Variants in DHX34 observed in about 807,000 individuals in gnomAD.
DHX34 encodes probable ATP-dependent RNA helicase DHX34.
A neutral mutation model predicts 111.1 loss-of-function variants in DHX34; 96 were observed. The observed-to-expected ratio is 0.86, with a 90% confidence interval of 0.73 to 1.02. The LOEUF (loss-of-function observed/expected upper bound fraction) is 1.02, where lower values mean the gene tolerates loss of function less well. DHX34 is among the 50% of genes least tolerant of loss of function. The pLI is 0.00. For missense variants in DHX34, 1,560 were observed against 1,579.9 expected (o/e 0.99, Z 0.21); for synonymous variants, 688 against 670.4 (o/e 1.03, Z -0.41).
intron 6 of DHX34, among the ~76,000 whole-genome samples, chr19:47,363,445 T>C (rs1969696106): frequency 6.6e-6 from 1 of 152,008 alleles, no homozygotes; most frequent in African/African-American, 2.4e-5. Flanking sequence ...TCAGGAAGGA[T>C]AGGGCTAGCC....
At chr19:47,360,752 A>G (rs1599758724) in intron 5 of DHX34, among the ~76,000 whole-genome samples, 1 of 151,888 alleles carries the variant, frequency 6.6e-6, no homozygotes, top group South Asian at 2.1e-4. Context: ...CAATGGTGCA[A>G]GCTCCGCCTC....
chr19:47,355,904 C>G (rs1228568690), intron 3 of DHX34, among the ~76,000 whole-genome samples: 1 of 151,976 alleles, frequency 6.6e-6, no homozygotes, highest in Non-Finnish European at 1.5e-5. Context: ...AAGTTTATTT[C>G]TCTCATATAA....
At position 47,375,881 on chromosome 19, in the gene DHX34, C is replaced by G. The variant is rs547124550; in HGVS notation, c.2308-43C>G. On this transcript the variant is annotated intron_variant, in intron 10 of 16. Coordinates refer to ENST00000328771, the MANE Select transcript of DHX34 (RefSeq NM_014681.6). ...GGGGTCTGCGGATCATGGTAGGAGCCCCTCAGGTCCCCTAAGACTCTGCCT... is the reference window on the plus strand; with the variant it reads ...GGGGTCTGCGGATCATGGTAGGAGCGCCTCAGGTCCCCTAAGACTCTGCCT... 7 of 1,548,280 alleles carry G rather than the reference C, an allele frequency of 4.5e-6. No individual in the cohort carries two copies. In the Admixed American group the frequency reaches 1.3e-4, roughly 29 times the overall value.
At chr19:47,376,912 C>T (rs1970180836) in intron 12 of DHX34, 188 bp from the exon 13 acceptor site, 12 of 1,535,690 alleles carry the variant, frequency 7.8e-6, no homozygotes, top group Non-Finnish European at 8.7e-6. Flanking sequence ...TGTCTCGCTG[C>T]AGGCATGGCT....
intron 7 of DHX34, among the ~76,000 whole-genome samples, chr19:47,372,030 A>G (rs1365587176): frequency 2.0e-5 from 3 of 150,580 alleles, no homozygotes. Context: ...GCGCTCACAG[A>G]TGGAGACAGG....
chr19:47,350,639 C>T (rs1294455568), intron 1 of DHX34, among the ~76,000 whole-genome samples: 4 of 151,982 alleles, frequency 2.6e-5, no homozygotes, highest in Admixed American at 2.0e-4. Context: ...AGGCTGGTCT[C>T]GCACTCCCGA....
chr19:47,358,474 A>G (rs2122235814), intron 4 of DHX34, among the ~76,000 whole-genome samples: 1 of 136,988 alleles, frequency 7.3e-6, no homozygotes. Flanking sequence ...TTTTTTTTGA[A>G]ACAGGGTCTT....
At chr19:47,377,747 C>T (rs1428764424) in intron 13 of DHX34, among the ~76,000 whole-genome samples, 1 of 123,652 alleles carries the variant, frequency 8.1e-6, no homozygotes. Flanking sequence ...GGAGACAGGA[C>T]CCTGGGGACT....
intron 6 of DHX34, 118 bp downstream of exon 6, chr19:47,362,811 C>T (rs1969676964): frequency 9.7e-7 from 1 of 1,031,448 alleles, no homozygotes; most frequent in Non-Finnish European, 1.3e-6. Context: ...TGCTCTGTCA[C>T]TCAGGCTAGA....
At chr19:47,358,150 G>A (rs531246216) in intron 4 of DHX34, 30 bp downstream of exon 4, 48 of 1,591,758 alleles carry the variant, frequency 3.0e-5, no homozygotes, top group Non-Finnish European at 3.2e-5. Flanking sequence ...TGGGGCAGGC[G>A]GGGGGTCTGC....
chr19:47,381,667 T>A (rs1970362899), intron 16 of DHX34: 8 of 616,532 alleles, frequency 1.3e-5, no homozygotes, highest in Middle Eastern at 4.5e-4. Context: ...CACCCAGGGA[T>A]GCCACACACT....
intron 1 of DHX34, among the ~76,000 whole-genome samples, chr19:47,350,354 T>C (rs1969247599): frequency 6.6e-6 from 1 of 151,766 alleles, no homozygotes; most frequent in South Asian, 2.1e-4. Flanking sequence ...CTGTACGCCG[T>C]GATTGTGCCA....
chr19:47,372,613 C>T, intron 7 of DHX34, 117 bp from the exon 8 acceptor site: 1 of 1,429,290 alleles, frequency 7.0e-7, no homozygotes, highest in Non-Finnish European at 9.2e-7. Context: ...CCTTAGTGGG[C>T]AAGATGGAGG....
At chr19:47,381,032 G>A in intron 15 of DHX34, 40 bp downstream of exon 15, 1 of 1,542,530 alleles carries the variant, frequency 6.5e-7, no homozygotes, top group African/African-American at 1.4e-5. Context: ...GGGATTTCAG[G>A]AAGACCCCAC....
rs1387780862 is a variant in DHX34, at chr19:47,379,954, G to T, written c.2951G>T (p.Ser984Ile). ...AGCCCCAAGGAGGTGGCCACCCTGA[G>T]CAAGGAACTCCTGCAATTCACGGCA... ...PVSPKEVATLSKELLQFTASK... is the reference protein window; with the variant it reads ...PVSPKEVATLIKELLQFTASK... The change falls in exon 14 of 17, where the codon AGC becomes ATC. Residue 984 changes from serine to isoleucine, a missense_variant. Coordinates refer to ENST00000328771, the MANE Select transcript of DHX34 (RefSeq NM_014681.6). The T allele has an allele frequency of 2.5e-6, 4 of 1,595,512 alleles. No individual in the cohort carries two copies. The Admixed American group carries it at 6.7e-5, about 27-fold the overall frequency.
chr19:47,381,726 G>A, intron 16 of DHX34: 1 of 482,846 alleles, frequency 2.1e-6, no homozygotes, highest in Non-Finnish European at 2.7e-6. Flanking sequence ...TCCATCCCCG[G>A]CTGGCTGTGT....
intron 6 of DHX34, among the ~76,000 whole-genome samples, chr19:47,363,845 A>G (rs1969708563): frequency 6.6e-6 from 1 of 151,474 alleles, no homozygotes. Context: ...AAATGTCCAT[A>G]GGGTCAAAGG....
At chr19:47,371,229 C>T (rs1323877938) in intron 7 of DHX34, among the ~76,000 whole-genome samples, 2 of 152,208 alleles carry the variant, frequency 1.3e-5, no homozygotes, top group African/African-American at 4.8e-5. Flanking sequence ...ATGCCTCACT[C>T]ACATTATCTC....
intron 3 of DHX34, 89 bp from the exon 4 acceptor site, chr19:47,357,777 G>T: frequency 6.7e-7 from 1 of 1,498,596 alleles, no homozygotes. Flanking sequence ...TTAGCCTGTG[G>T]TCTCCCCCGT....
Sources: gnomAD v4.1 joint callset for allele counts (sites outside exome capture counted in the v4.1 genomes callset) on GRCh38, gnomAD v4.1.1 for gene constraint, MANE v1.5 for transcripts, NCBI Gene and HGNC (gene_info 2026-07-23, HGNC 2026-07-21) for gene names.